ZC3H12C: variants seen among roughly 807,000 people sequenced by gnomAD.
The protein encoded by ZC3H12C is zinc finger CCCH-type containing 12C.
ZC3H12C carries 20 observed loss-of-function variants against 76.3 expected under a neutral mutation model. The observed-to-expected ratio is 0.26, with a 90% confidence interval of 0.18 to 0.38. The LOEUF (loss-of-function observed/expected upper bound fraction) is 0.38, where lower values mean the gene tolerates loss of function less well. ZC3H12C is among the 10% of genes least tolerant of loss of function. The pLI is 1.00. For synonymous variants in ZC3H12C, 352 were observed against 399.6 expected, an observed-to-expected ratio of 0.88 and a Z score of 1.42; for missense variants, 874 against 1,086.5, an observed-to-expected ratio of 0.80 and a Z score of 2.75.
intron 1 of ZC3H12C, among the ~76,000 whole-genome samples, chr11:110,126,244 G>C (rs1861744829): frequency 1.0e-5 from 1 of 97,868 alleles, no homozygotes; most frequent in African/African-American, 4.0e-5. Context: ...TTTTTTTTGA[G>C]ATGAGGTCTC....
chr11:110,143,738 G>T (rs1862110464), intron 2 of ZC3H12C, among the ~76,000 whole-genome samples: 1 of 152,114 alleles, frequency 6.6e-6, no homozygotes, highest in Non-Finnish European at 1.5e-5. Flanking sequence ...TGTCCAGGCT[G>T]GTTGAACTCC....
intron 1 of ZC3H12C, among the ~76,000 whole-genome samples, chr11:110,098,253 A>C (rs1861149141): frequency 6.6e-6 from 1 of 152,190 alleles, no homozygotes; most frequent in Non-Finnish European, 1.5e-5. Context: ...AAAAGTAAAA[A>C]ATTTTCTAGA....
At chr11:110,114,153 A>G (rs758284328) in intron 1 of ZC3H12C, among the ~76,000 whole-genome samples, 4 of 152,136 alleles carry the variant, frequency 2.6e-5, no homozygotes, top group African/African-American at 7.2e-5. Flanking sequence ...TGTATGTTGT[A>G]TCATCTCTCA....
chr11:110,109,643 G>A (rs531359276), intron 1 of ZC3H12C, among the ~76,000 whole-genome samples: 1 of 151,940 alleles, frequency 6.6e-6, no homozygotes, highest in Admixed American at 6.6e-5. Context: ...TGGTTTGTCT[G>A]CTCATTTTAA....
At chr11:110,108,527 T>A (rs1861372555) in intron 1 of ZC3H12C, among the ~76,000 whole-genome samples, 1 of 152,238 alleles carries the variant, frequency 6.6e-6, no homozygotes, top group African/African-American at 2.4e-5. Flanking sequence ...TTTAGTGGCA[T>A]ATATACTACA....
chr11:110,125,902 C>G (rs1861735019), intron 1 of ZC3H12C, among the ~76,000 whole-genome samples: 2 of 151,726 alleles, frequency 1.3e-5, no homozygotes, highest in Non-Finnish European at 2.9e-5. Flanking sequence ...GCTGAATCAT[C>G]AGAGAGATAG....
At chr11:110,153,553 CTT>C (rs5794670) in intron 3 of ZC3H12C, among the ~76,000 whole-genome samples, 5 of 149,866 alleles carry the variant, frequency 3.3e-5, no homozygotes, top group African/African-American at 4.9e-5. Flanking sequence ...CATAAGCCAG[CTT>C]TTTTTTTTTC....
chr11:110,130,928 T>C, intron 1 of ZC3H12C: 2 of 1,144,744 alleles, frequency 1.7e-6, no homozygotes, highest in South Asian at 1.5e-5. Flanking sequence ...GTGAGCTTTC[T>C]GGCCTATGAT....
intron 1 of ZC3H12C, among the ~76,000 whole-genome samples, chr11:110,121,758 C>A (rs1249406617): frequency 6.6e-6 from 1 of 151,702 alleles, no homozygotes; most frequent in Admixed American, 6.5e-5. Context: ...GTATTTTCTA[C>A]ATTGATTCTT....
At chr11:110,146,082 G>T (rs914446754) in intron 2 of ZC3H12C, among the ~76,000 whole-genome samples, 1 of 152,174 alleles carries the variant, frequency 6.6e-6, no homozygotes, top group Non-Finnish European at 1.5e-5. Flanking sequence ...CGCCTCCCGG[G>T]TTCATGCCAT....
Position 110,136,941 on chromosome 11 carries a change from A to G in ZC3H12C, c.300A>G (p.Ser100=), listed in dbSNP as rs772778293. Residue 100 remains serine (S), a synonymous_variant, in exon 2 of 6, where the codon TCA becomes TCG. Coordinates refer to ENST00000278590, the MANE Select transcript of ZC3H12C (RefSeq NM_033390.2). ...SEENTNSDHE[S]EQLGSISVEP... ...AAAACACAAATTCTGATCATGAGTC[A>G]GAACAATTGGGTAGCATTTCAGTAG... The G allele has an allele frequency of 3.1e-6, 5 of 1,613,660 alleles. No homozygotes were observed. Among genetic ancestry groups the G allele is most frequent in the Non-Finnish European group, 4.2e-6 (5 of 1,179,834 alleles).
chr11:110,170,137 CATTT>C lies in ZC3H12C; in HGVS notation c.*4401_*4404del, dbSNP rs1862650254. 6.6e-6 allele frequency: 1 copy of C among 152,084 alleles called. No individual in the cohort carries two copies. Among genetic ancestry groups the C allele is most frequent in the South Asian group, 2.1e-4 (1 of 4,826 alleles). 9.4% of individuals were successfully genotyped at this position (152,084 alleles called of 1,614,324 possible). A position where few individuals can be genotyped will look rare whatever the true frequency, so the allele number is the denominator to read the frequency against. ...ACATTGATGTTAAAGCATCTTAATT[CATTT>C]GAGTTTTCTTACCTGTTTACACCCA... On this transcript the variant is annotated 3_prime_UTR_variant, in exon 6 of 6. Coordinates refer to ENST00000278590, the MANE Select transcript of ZC3H12C (RefSeq NM_033390.2).
chr11:110,159,995 T>C (rs1027741322), intron 4 of ZC3H12C, among the ~76,000 whole-genome samples: 2 of 152,264 alleles, frequency 1.3e-5, no homozygotes, highest in African/African-American at 4.8e-5. Flanking sequence ...GTGGTACATA[T>C]AGCCTGTTGC....
At chr11:110,119,121 T>C (rs576189970) in intron 1 of ZC3H12C, among the ~76,000 whole-genome samples, 1 of 152,170 alleles carries the variant, frequency 6.6e-6, no homozygotes, top group Non-Finnish European at 1.5e-5. Flanking sequence ...TCTACAGTTA[T>C]TAACATGTGC....
At chr11:110,121,616 CT>C (rs1861652329) in intron 1 of ZC3H12C, among the ~76,000 whole-genome samples, 2 of 151,104 alleles carry the variant, frequency 1.3e-5, no homozygotes, top group African/African-American at 4.9e-5. Context: ...TTTTTCTAGC[CT>C]TTTGCACAGC....
intron 3 of ZC3H12C, among the ~76,000 whole-genome samples, chr11:110,155,485 A>G (rs904803975): frequency 4.6e-5 from 7 of 152,144 alleles, no homozygotes; most frequent in Non-Finnish European, 1.5e-5. Context: ...GCAGAAGTAC[A>G]GACAAATATT....
rs554443074 is a variant in ZC3H12C, at chr11:110,171,602, A to T, written c.*5865A>T. ...GTGATTCTGCCACTGAGAAAAAAAA[A>T]ATTTTTAATTCGTTTTTCTTATGCT... On this transcript the variant is annotated 3_prime_UTR_variant, in exon 6 of 6. Transcript: ENST00000278590. 6.6e-5 allele frequency: 10 copies of T among 152,254 alleles called. No homozygotes were observed. Among genetic ancestry groups the T allele is most frequent in the African/African-American group, 1.4e-4 (6 of 41,530 alleles). The allele number at this position is 152,254 out of a possible 1,614,324, so 9.4% of individuals were successfully genotyped here.
chr11:110,165,331 A>G lies in ZC3H12C; in HGVS notation c.2246A>G (p.Asp749Gly). 1 of 1,613,988 alleles carries G rather than the reference A, an allele frequency of 6.2e-7. No homozygotes were observed. The highest frequency in any genetic ancestry group is 8.5e-7 in the Non-Finnish European group (1 of 1,179,886). ...LGRSLVATRI[D>G]SISDSRLYDS... ...AGGTCCTTGGTGGCCACGAGAATAGACAGCATCTCTGACTCTCGACTTTAT... is the reference window on the plus strand; with the variant it reads ...AGGTCCTTGGTGGCCACGAGAATAGGCAGCATCTCTGACTCTCGACTTTAT... Residue 749 changes from aspartate to glycine, a missense_variant, in exon 6 of 6, where the codon GAC becomes GGC. This residue lies in a region of ZC3H12C where 395 missense variants were observed against 434.4 expected (regional missense o/e 0.91). Transcript: ENST00000278590.
At chr11:110,133,853 TCA>T (rs753049531) in intron 1 of ZC3H12C, among the ~76,000 whole-genome samples, 1 of 151,974 alleles carries the variant, frequency 6.6e-6, no homozygotes, top group Non-Finnish European at 1.5e-5. Flanking sequence ...TGATTGATTT[TCA>T]GTTTAAAAAC....
Sources: gnomAD v4.1 joint callset for allele counts (sites outside exome capture counted in the v4.1 genomes callset) on GRCh38, gnomAD v4.1.1 for gene constraint, gnomAD v4.1.1 regional missense constraint, MANE v1.5 for transcripts, NCBI Gene and HGNC (gene_info 2026-07-23, HGNC 2026-07-21) for gene names.